The following SLC4A11 variants were observed in gnomAD, a reference collection of about 807,000 sequenced individuals.
SLC4A11 encodes the protein bicarbonate transporter related protein 1.
SLC4A11 carries 74 observed loss-of-function variants against 95.0 expected under a neutral mutation model. The ratio of observed to expected loss-of-function variants is 0.78; its 90% CI spans 0.65 to 0.95. The LOEUF is 0.95. Among genes scored for constraint, SLC4A11 ranks in the 40% least tolerant of loss-of-function variants. The probability of loss-of-function intolerance (pLI) is 0.00; values close to 1 mark genes in which losing one functional copy is unlikely to be tolerated. For synonymous variants in SLC4A11, 548 were observed against 519.0 expected, an observed-to-expected ratio of 1.06 and a Z score of -0.76; for missense variants, 1,081 against 1,192.4, an observed-to-expected ratio of 0.91 and a Z score of 1.38.
In SLC4A11 at chr20:3,239,189, C is replaced by T; in HGVS notation, c.-52G>A. On this transcript the variant is annotated 5_prime_UTR_variant, in exon 1 of 20. Transcript: ENST00000642402. ...CTCCTCACGCGGCGCTCCGGCGCTT[C>T]TGGACCCCAAACTCGGCGACTCGGG... 7.1e-7 allele frequency: 1 copy of T among 1,399,348 alleles called. No individual in the cohort carries two copies. The allele number at this position is 1,399,348 out of a possible 1,614,324, so 86.7% of individuals were successfully genotyped here. A position where few individuals can be genotyped will look rare whatever the true frequency, so the allele number is the denominator to read the frequency against.
At chr20:3,239,415 T>G, upstream of SLC4A11, 3 of 1,074,526 alleles carry the variant, frequency 2.8e-6, no homozygotes, top group Non-Finnish European at 2.2e-6. Flanking sequence ...CCAAACCGAG[T>G]AGACCCGGCT....
chr20:3,238,583 G>C (rs1407316998), intron 1 of SLC4A11: 1 of 990,734 alleles, frequency 1.0e-6, no homozygotes, highest in Non-Finnish European at 1.2e-6. Flanking sequence ...TGGCCCTCCC[G>C]TGTCAGAGCA....
chr20:3,231,681 G>A lies in SLC4A11; in HGVS notation c.730-133C>T. 1 of 795,300 alleles carries A rather than the reference G, an allele frequency of 1.3e-6. No homozygotes were observed. Among genetic ancestry groups the A allele is most frequent in the Non-Finnish European group, 2.1e-6 (1 of 482,428 alleles). 49.3% of individuals were successfully genotyped at this position (795,300 alleles called of 1,614,324 possible). ...TGTTTTTTGTGTTTTTTTGAGACAG[G>A]GTCTCACTGTCACCCAGGCTGAGTG... On this transcript the variant is annotated intron_variant, in intron 7 of 19. Coordinates refer to ENST00000642402, the MANE Select transcript of SLC4A11 (RefSeq NM_001174089.2). The surrounding 1 kb of genome is among the most constrained non-coding windows in gnomAD (Gnocchi z 5.2).
chr20:3,231,698 G>C lies in SLC4A11; in HGVS notation c.730-150C>G. The C allele has an allele frequency of 1.4e-6, 1 of 721,978 alleles. No homozygotes were observed. Among genetic ancestry groups the C allele is most frequent in the Non-Finnish European group, 2.4e-6 (1 of 423,600 alleles). The allele number at this position is 721,978 out of a possible 1,614,324, so 44.7% of individuals were successfully genotyped here. The stretch of plus-strand genomic sequence containing the variant: ...TGAGACAGGGTCTCACTGTCACCCA[G>C]GCTGAGTGCAGTGGCACACTCACGG... On this transcript the variant is annotated intron_variant, in intron 7 of 19. Coordinates refer to ENST00000642402, the MANE Select transcript of SLC4A11 (RefSeq NM_001174089.2). This position sits in a 1 kb window ranked among gnomAD's most constrained non-coding sequence, Gnocchi z 5.2.
rs139078082 is a variant in SLC4A11 at position 3,229,566 on chromosome 20, C to T, written c.1700G>A (p.Gly567Asp). 1.1e-4 allele frequency: 185 copies of T among 1,612,858 alleles called. No homozygotes were observed. Among genetic ancestry groups the T allele is most frequent in the Admixed American group, 3.0e-4 (18 of 60,012 alleles). ...GAGGGTGTAGCCCAGCCAGAGCGTG[C>T]CCAGCATGATGAGGAGGCTGAGCAC... Reference protein sequence around the residue: ...TAVLSLLIMLGTLWLGYTLYQ... With the variant: ...TAVLSLLIMLDTLWLGYTLYQ... The change falls in exon 14 of 20, where the codon GGC (glycine) becomes GAC (aspartate). Residue 567 changes from glycine (G) to aspartate (D), a missense_variant. Gly to Asp is a moderately conservative substitution (Grantham distance 94). This residue lies in a region of SLC4A11 where 767 missense variants were observed against 858.0 expected (regional missense o/e 0.89). Transcript: ENST00000642402.
Position 3,229,674 on chromosome 20 carries a change from C to T in SLC4A11, c.1592G>A (p.Ser531Asn). Residue 531 changes from serine to asparagine, a missense_variant, in exon 14 of 20, where the codon AGC (serine) becomes AAC (asparagine). Ser to Asn is a conservative substitution (Grantham distance 46). Around this residue, in one of 3 missense-constraint regions of SLC4A11, gnomAD observed 767 missense variants for 858.0 expected, o/e 0.89. Coordinates refer to ENST00000642402, the MANE Select transcript of SLC4A11 (RefSeq NM_001174089.2). ...GCTGGCGTTGAGGGCAGTGTGGAGG[C>T]TGGCGTTGAGGCTGGCGCCGAGGCC... ...LSGLGASLNASLHTALNASFL... is the reference protein window; with the variant it reads ...LSGLGASLNANLHTALNASFL... 6.2e-7 allele frequency: 1 copy of T among 1,613,840 alleles called. No individual in the cohort carries two copies. Among genetic ancestry groups the T allele is most frequent in the Non-Finnish European group, 8.5e-7 (1 of 1,179,944 alleles).
In SLC4A11 at chr20:3,231,434, A is replaced by G; in HGVS notation, c.844T>C (p.Leu282=). ...GTGAGCAGCTGTCTCTGATGCACCA[A>G]GGCCTCCTTGAATTCCTCCTCTGTG... ...TRTEEEFKEA[L]VHQRQLLTMV... Residue 282 remains leucine, a synonymous_variant, in exon 8 of 20, where the codon TTG becomes CTG. Transcript: ENST00000642402. This position sits in a 1 kb window ranked among gnomAD's most constrained non-coding sequence, Gnocchi z 5.2. The G allele has an allele frequency of 1.9e-6, 3 of 1,614,014 alleles. No individual in the cohort carries two copies. The East Asian group carries it at 6.7e-5, about 36-fold the overall frequency.
intron 12 of SLC4A11, 72 bp downstream of exon 12, chr20:3,230,443 C>T: frequency 2.5e-6 from 4 of 1,610,042 alleles, no homozygotes; most frequent in Non-Finnish European, 1.7e-6. Context: ...CCCCCACCAC[C>T]CTGGGGTTAC....
Position 3,229,215 on chromosome 20 carries a change from T to C in SLC4A11, c.1898A>G (p.Gln633Arg). The C allele has an allele frequency of 6.2e-7, 1 of 1,612,882 alleles. No homozygotes were observed. The highest frequency in any genetic ancestry group is 8.5e-7 in the Non-Finnish European group (1 of 1,180,006). The change falls in exon 16 of 20, where the codon CAG (glutamine) becomes CGG (arginine). Residue 633 changes from glutamine to arginine, a missense_variant. Physicochemically the swap from Gln to Arg is conservative, Grantham distance 43. Coordinates refer to ENST00000642402, the MANE Select transcript of SLC4A11 (RefSeq NM_001174089.2). ...NPSESPFAMA[Q>R]IQSLSLRAVS... ...GGCCCTCAGGGACAGCGACTGGATC[T>C]GCGCCATCGCAAAGGGGCTCTCGCT...
chr20:3,233,543 C>T lies in SLC4A11; in HGVS notation c.700G>A (p.Val234Ile), dbSNP rs2067852191. Residue 234 changes from valine to isoleucine, a missense_variant, in exon 7 of 20, where the codon GTC becomes ATC. Val to Ile is a conservative substitution (Grantham distance 29). Coordinates refer to ENST00000642402, the MANE Select transcript of SLC4A11 (RefSeq NM_001174089.2). ...TTGGGTGGGGCCAGCACCAGGATGA[C>T]GAACCGAACCTCACAGGAATTCTCC... Reference protein sequence around the residue: ...WGENSCEVRFVILVLAPPKMK... With the variant: ...WGENSCEVRFIILVLAPPKMK... 12 of 1,613,732 alleles carry T rather than the reference C, an allele frequency of 7.4e-6. No individual in the cohort carries two copies. The highest frequency in any genetic ancestry group is 1.1e-5 in the South Asian group (1 of 91,088).
In SLC4A11 at chr20:3,231,468, C is replaced by G. The variant is rs762314478; in HGVS notation, c.810G>C (p.Leu270=). 5 of 1,614,080 alleles carry G rather than the reference C, an allele frequency of 3.1e-6. No individual in the cohort carries two copies. The highest frequency in any genetic ancestry group is 4.2e-6 in the Non-Finnish European group (5 of 1,180,030). ...FSDIAFRQKL[L]ETRTEEEFKE... ...TGAATTCCTCCTCTGTGCGGGTCTCCAGGAGCTTCTGGCGGAAGGCGATAT... is the reference window on the plus strand; with the variant it reads ...TGAATTCCTCCTCTGTGCGGGTCTCGAGGAGCTTCTGGCGGAAGGCGATAT... The change falls in exon 8 of 20, where the codon CTG becomes CTC. Residue 270 remains leucine (L), a synonymous_variant. Transcript: ENST00000642402. This position sits in a 1 kb window ranked among gnomAD's most constrained non-coding sequence, Gnocchi z 5.2.
upstream of SLC4A11, chr20:3,239,368 C>T (rs1430983495): frequency 5.3e-6 from 6 of 1,125,546 alleles, no homozygotes; most frequent in Middle Eastern, 3.7e-4. Context: ...CTGCTCCAGC[C>T]GGGCTGGGCT....
chr20:3,237,463 C>T, intron 2 of SLC4A11, 81 bp downstream of exon 2: 1 of 1,423,370 alleles, frequency 7.0e-7, no homozygotes, highest in Admixed American at 1.7e-5. Flanking sequence ...CCACAGGACT[C>T]TGGTGGGTAG....
rs148099705 is a variant in SLC4A11 at position 3,234,111 on chromosome 20, G to A, written c.495C>T (p.Thr165=). 186 of 1,614,030 alleles carry A rather than the reference G, an allele frequency of 1.2e-4. No individual in the cohort carries two copies. The highest frequency in any genetic ancestry group is 9.5e-4 in the African/African-American group (71 of 75,052). The change falls in exon 5 of 20, where the codon ACC becomes ACT. Residue 165 remains threonine (T), a synonymous_variant. Coordinates refer to ENST00000642402, the MANE Select transcript of SLC4A11 (RefSeq NM_001174089.2). This position sits in a 1 kb window ranked among gnomAD's most constrained non-coding sequence, Gnocchi z 5.8. ...NLDLLMAMLF[T]DAGAPMRGKV... ...TACCCCGCATGGGTGCCCCGGCATCGGTGAAGAGCATGGCCATGAGCAGGT... is the reference window on the plus strand; with the variant it reads ...TACCCCGCATGGGTGCCCCGGCATCAGTGAAGAGCATGGCCATGAGCAGGT...
chr20:3,229,680 TTGAGGCTGGCGC>T lies in SLC4A11; in HGVS notation c.1574_1585del (p.Gly525_Asn529delinsAsp), dbSNP rs1178759903. 3.7e-6 allele frequency: 6 copies of T among 1,613,684 alleles called. No individual in the cohort carries two copies. Among genetic ancestry groups the T allele is most frequent in the Non-Finnish European group, 5.1e-6 (6 of 1,179,930 alleles). On this transcript the variant is annotated inframe_deletion, in exon 14 of 20. Coordinates refer to ENST00000642402, the MANE Select transcript of SLC4A11 (RefSeq NM_001174089.2). ...GTTGAGGGCAGTGTGGAGGCTGGCG[TTGAGGCTGGCGC>T]CGAGGCCTGACAGGCTGACAAGGGA...
chr20:3,231,481 C>T lies in SLC4A11; in HGVS notation c.797G>A (p.Arg266His), dbSNP rs751170291. ...TGTGCGGGTCTCCAGGAGCTTCTGG[C>T]GGAAGGCGATATCCGAGAACATGGT... ...FATMFSDIAF[R>H]QKLLETRTEE... Residue 266 changes from arginine (R) to histidine (H), a missense_variant, in exon 8 of 20, where the codon CGC becomes CAC. Physicochemically the swap from Arg to His is conservative, Grantham distance 29. Coordinates refer to ENST00000642402, the MANE Select transcript of SLC4A11 (RefSeq NM_001174089.2). This position sits in a 1 kb window ranked among gnomAD's most constrained non-coding sequence, Gnocchi z 5.2. The T allele has an allele frequency of 7.4e-6, 12 of 1,614,020 alleles. No individual in the cohort carries two copies. The highest frequency in any genetic ancestry group is 3.3e-5 in the South Asian group (3 of 91,080).
At chr20:3,232,669 C>T (rs2067820234) in intron 7 of SLC4A11, among the ~76,000 whole-genome samples, 1 of 152,188 alleles carries the variant, frequency 6.6e-6, no homozygotes, top group Non-Finnish European at 1.5e-5. Context: ...GCTGAGATCA[C>T]ACCTCAACAT....
In SLC4A11 at chr20:3,234,347, CCCA is replaced by C. The variant is rs749971446; in HGVS notation, c.292-36_292-34del. 36 of 1,594,770 alleles carry C rather than the reference CCCA, an allele frequency of 2.3e-5. No individual in the cohort carries two copies. The highest frequency in any genetic ancestry group is 2.7e-5 in the Non-Finnish European group (31 of 1,164,662). ...GACCCCAGGGACAGAACCACACGGG[CCCA>C]TGTATGAGATGCTGTCACTGCCTGG... On this transcript the variant is annotated intron_variant, in intron 4 of 19. Transcript: ENST00000642402. This position sits in a 1 kb window ranked among gnomAD's most constrained non-coding sequence, Gnocchi z 5.8.
At position 3,229,788 on chromosome 20, in the gene SLC4A11, C is replaced by A. The variant is rs1433557376; in HGVS notation, c.1490-12G>T. The A allele has an allele frequency of 1.2e-6, 2 of 1,613,774 alleles. No homozygotes were observed. The highest frequency in any genetic ancestry group is 1.7e-6 in the Non-Finnish European group (2 of 1,179,964). ...GTACTTCCAGAAGACTGTGGACACA[C>A]ACCCACAGGCCTCAGCCCTCTCCAG... is the stretch of plus-strand genomic sequence containing the variant. On this transcript the variant is annotated splice_polypyrimidine_tract_variant and intron_variant, in intron 13 of 19. Coordinates refer to ENST00000642402, the MANE Select transcript of SLC4A11 (RefSeq NM_001174089.2).
Sources: gnomAD v4.1 joint callset for allele counts (sites outside exome capture counted in the v4.1 genomes callset) on GRCh38, gnomAD v4.1.1 for gene constraint, gnomAD v4.1.1 regional missense constraint, Gnocchi (gnomAD v3.1) non-coding constraint, MANE v1.5 for transcripts, NCBI Gene and HGNC (gene_info 2026-07-23, HGNC 2026-07-21) for gene names.